The following CCDC201 variants were observed in gnomAD, a reference collection of about 807,000 sequenced individuals.
CCDC201 encodes the protein coiled-coil domain-containing protein 201.
chr7:45,867,113 G>A (rs1420119713), intron 1 of CCDC201, among the ~76,000 whole-genome samples: 5 of 152,138 alleles, frequency 3.3e-5, no homozygotes, highest in African/African-American at 2.4e-5. Context: ...AACTATACCC[G>A]GCAAGCACAT....
chr7:45,877,080 C>T (rs1786819508), upstream of CCDC201, among the ~76,000 whole-genome samples: 1 of 152,208 alleles, frequency 6.6e-6, no homozygotes, highest in African/African-American at 2.4e-5. Context: ...ACACATAGCC[C>T]TGGACGATGA....
At chr7:45,883,428 T>C in the CCDC201 span, among the ~76,000 whole-genome samples, 1 of 152,080 alleles carries the variant, frequency 6.6e-6, no homozygotes, top group Non-Finnish European at 1.5e-5. Flanking sequence ...ACATTTATGG[T>C]GGGTCCCCAG....
At chr7:45,870,770 G>A (rs891225720) in intron 1 of CCDC201, among the ~76,000 whole-genome samples, 1 of 152,066 alleles carries the variant, frequency 6.6e-6, no homozygotes, top group Non-Finnish European at 1.5e-5. Context: ...GGGGCGGGCG[G>A]GTGGAGGAAC....
chr7:45,875,372 G>A (rs988840477), upstream of CCDC201, among the ~76,000 whole-genome samples: 7 of 148,878 alleles, frequency 4.7e-5, no homozygotes, highest in Non-Finnish European at 7.4e-5. Flanking sequence ...GTGTGCACTT[G>A]TAGTCCCAGC....
intron 2 of CCDC201, among the ~76,000 whole-genome samples, chr7:45,865,088 G>A (rs1240931066): frequency 1.3e-5 from 2 of 151,986 alleles, no homozygotes; most frequent in Non-Finnish European, 2.9e-5. Context: ...TCTGAGAAAG[G>A]GCTCCAAGAC....
the CCDC201 span, among the ~76,000 whole-genome samples, chr7:45,882,424 C>T: frequency 6.6e-6 from 1 of 152,238 alleles, no homozygotes; most frequent in African/African-American, 2.4e-5. Context: ...CTTTATGCAA[C>T]ATGCTAGGAC....
chr7:45,871,430 T>G (rs2116524874), intron 1 of CCDC201, among the ~76,000 whole-genome samples: 1 of 152,162 alleles, frequency 6.6e-6, no homozygotes, highest in East Asian at 1.9e-4. Flanking sequence ...TATATCACAT[T>G]GTTCACCAAG....
exon 2 of CCDC201, chr7:45,866,154 T>C (rs957332734): frequency 1.8e-4 from 36 of 204,668 alleles, no homozygotes; most frequent in African/African-American, 3.8e-4. Context: ...CTGCTGCTGC[T>C]GCTGCCGCTG....
chr7:45,872,628 G>T (rs1334901891), intron 1 of CCDC201, among the ~76,000 whole-genome samples: 4 of 152,150 alleles, frequency 2.6e-5, no homozygotes, highest in African/African-American at 4.8e-5. Context: ...TTGTGCGTGG[G>T]CTCTGGGGAA....
At chr7:45,883,922 G>A in the CCDC201 span, among the ~76,000 whole-genome samples, 6 of 152,148 alleles carry the variant, frequency 3.9e-5, no homozygotes, top group East Asian at 5.8e-4. Context: ...GTCCCCAGGC[G>A]CCGGCTCCCT....
chr7:45,881,235 G>T, the CCDC201 span, among the ~76,000 whole-genome samples: 1 of 152,068 alleles, frequency 6.6e-6, no homozygotes, highest in Non-Finnish European at 1.5e-5. Flanking sequence ...CTGGTGTCCT[G>T]GTGGCTCGTC....
At chr7:45,875,148 T>C (rs1786786858), upstream of CCDC201, among the ~76,000 whole-genome samples, 1 of 152,084 alleles carries the variant, frequency 6.6e-6, no homozygotes, top group South Asian at 2.1e-4. Context: ...GTTTGTGATA[T>C]ATTAAAGGAG....
At chr7:45,877,093 G>GC (rs1786820083), upstream of CCDC201, among the ~76,000 whole-genome samples, 1 of 152,214 alleles carries the variant, frequency 6.6e-6, no homozygotes, top group Non-Finnish European at 1.5e-5. Flanking sequence ...GACGATGAGA[G>GC]CCCCTCACTG....
the CCDC201 span, among the ~76,000 whole-genome samples, chr7:45,884,530 G>C: frequency 6.6e-6 from 1 of 152,094 alleles, no homozygotes; most frequent in South Asian, 2.1e-4. Flanking sequence ...TCCCCTGCCT[G>C]CTCCCCTGCC....
chr7:45,868,703 T>C (rs73322924), intron 1 of CCDC201, among the ~76,000 whole-genome samples: 22,416 of 152,096 alleles, frequency 0.15, 3,896 homozygotes, highest in African/African-American at 0.42. Context: ...CTGACATGGT[T>C]TTTGCATCCA....
the CCDC201 span, among the ~76,000 whole-genome samples, chr7:45,878,786 A>G: frequency 6.6e-6 from 1 of 152,192 alleles, no homozygotes; most frequent in Non-Finnish European, 1.5e-5. Flanking sequence ...TTAACGTTTG[A>G]TTCACCTTTA....
At chr7:45,879,503 C>T in the CCDC201 span, among the ~76,000 whole-genome samples, 2 of 152,186 alleles carry the variant, frequency 1.3e-5, no homozygotes, top group East Asian at 3.9e-4. Flanking sequence ...CCTCAGGAAA[C>T]TTACAATCAT....
At chr7:45,861,446 AAATT>A (rs1786599460) in exon 3 of CCDC201, 1 of 152,230 alleles carries the variant, frequency 6.6e-6, no homozygotes, top group African/African-American at 2.4e-5. Flanking sequence ...CACAGTAAAT[AAATT>A]TTTATCACTC....
chr7:45,870,958 A>G (rs1226712532), intron 1 of CCDC201, among the ~76,000 whole-genome samples: 1 of 152,234 alleles, frequency 6.6e-6, no homozygotes, highest in Non-Finnish European at 1.5e-5. Flanking sequence ...TGGGACTTTT[A>G]TCAAACAGAA....
Sources: gnomAD v4.1 joint callset for allele counts (sites outside exome capture counted in the v4.1 genomes callset) on GRCh38, gnomAD v4.1.1 for gene constraint, MANE v1.5 for transcripts, NCBI Gene and HGNC (gene_info 2026-07-23, HGNC 2026-07-21) for gene names.